The following EXOC4 variants were observed in gnomAD, a reference collection of about 807,000 sequenced individuals.
The protein encoded by EXOC4 is exocyst complex component 4.
Under a neutral mutation model 107.2 loss-of-function variants are expected in EXOC4, and 71 were observed. The ratio of observed to expected loss-of-function variants is 0.66; its 90% CI spans 0.55 to 0.81. EXOC4 has a LOEUF of 0.81. Among genes scored for constraint, EXOC4 ranks in the 30% least tolerant of loss-of-function variants. EXOC4 has a pLI of 0.00. For synonymous variants in EXOC4, 456 were observed against 441.2 expected, an observed-to-expected ratio of 1.03 and a Z score of -0.42; for missense variants, 1,108 against 1,189.6, an observed-to-expected ratio of 0.93 and a Z score of 1.01.
intron 14 of EXOC4, among the ~76,000 whole-genome samples, chr7:133,994,254 G>A (rs1270531245): frequency 6.6e-6 from 1 of 152,158 alleles, no homozygotes; most frequent in African/African-American, 2.4e-5. Context: ...TGAGGATGAT[G>A]GTTTCCAGCT....
intron 9 of EXOC4, among the ~76,000 whole-genome samples, chr7:133,620,046 A>T (rs1048094062): frequency 6.6e-6 from 1 of 151,700 alleles, no homozygotes. Context: ...GTTTTGAGAC[A>T]GAGTCTCCCT....
At chr7:133,291,225 G>A (rs1436023676) in intron 3 of EXOC4, among the ~76,000 whole-genome samples, 2 of 151,748 alleles carry the variant, frequency 1.3e-5, no homozygotes, top group Non-Finnish European at 2.9e-5. Flanking sequence ...CTGTTTGGTT[G>A]TTTATATATT....
At chr7:133,322,758 A>G (rs1472278779) in intron 5 of EXOC4, among the ~76,000 whole-genome samples, 1 of 152,214 alleles carries the variant, frequency 6.6e-6, no homozygotes, top group Non-Finnish European at 1.5e-5. Context: ...CTGTGAAGAA[A>G]GTCAATGGTA....
At chr7:133,503,578 A>C (rs1371945206) in intron 9 of EXOC4, among the ~76,000 whole-genome samples, 1 of 152,226 alleles carries the variant, frequency 6.6e-6, no homozygotes, top group Non-Finnish European at 1.5e-5. Flanking sequence ...ACTGCCAGTC[A>C]GAGGCTGAAG....
Position 133,285,667 on chromosome 7 carries a change from A to C in EXOC4, c.277-3255A>C, listed in dbSNP as rs532530379. On this transcript the variant is annotated intron_variant, in intron 2 of 17. Coordinates refer to ENST00000253861, the MANE Select transcript of EXOC4 (RefSeq NM_021807.4). ...GTGTGTCTTGGCTTGGGTCTTTTTG[A>C]CTTCCATTTTCTTGAGCACTTGGTG... 5.3e-5 allele frequency among the ~76,000 whole-genome samples: 8 copies of C among 150,400 alleles called. No individual in the cohort carries two copies. The East Asian group carries it at 1.6e-3, about 29-fold the overall frequency.
intron 9 of EXOC4, among the ~76,000 whole-genome samples, chr7:133,572,669 A>G (rs1801049158): frequency 6.6e-6 from 1 of 152,208 alleles, no homozygotes; most frequent in Non-Finnish European, 1.5e-5. Flanking sequence ...CTTTCATGAA[A>G]TGATAAACTT....
Position 133,605,272 on chromosome 7 carries a change from A to AT in EXOC4, c.1418-24766dup, listed in dbSNP as rs553299887. On this transcript the variant is annotated intron_variant, in intron 9 of 17. Coordinates refer to ENST00000253861, the MANE Select transcript of EXOC4 (RefSeq NM_021807.4). Reference sequence around the variant, plus strand: ...AAAACAAAGTTCCTGCAATCTTTTAATTTTTTTGAATATTTCATTGAGATA... The same window carrying AT: ...AAAACAAAGTTCCTGCAATCTTTTAATTTTTTTTGAATATTTCATTGAGATA... 1.6e-4 allele frequency among the ~76,000 whole-genome samples: 24 copies of AT among 152,266 alleles called. No homozygotes were observed. The South Asian group carries it at 5.0e-3, about 32-fold the overall frequency.
chr7:133,347,368 C>T lies in EXOC4; in HGVS notation c.764-8962C>T, dbSNP rs142023262. On this transcript the variant is annotated intron_variant, in intron 5 of 17. Coordinates refer to ENST00000253861, the MANE Select transcript of EXOC4 (RefSeq NM_021807.4). The stretch of plus-strand genomic sequence containing the variant: ...AAGCAATTCTCCTGCCTCAACCTCC[C>T]GAGTAGCTGGGACTACAGGCGTGTG... 6.7e-3 allele frequency among the ~76,000 whole-genome samples: 1,017 copies of T among 151,972 alleles called. 8 individuals carry two copies. The highest frequency in any genetic ancestry group is 0.022 in the African/African-American group (923 of 41,462).
intron 9 of EXOC4, among the ~76,000 whole-genome samples, chr7:133,498,292 A>G (rs1799516479): frequency 6.6e-6 from 1 of 152,140 alleles, no homozygotes; most frequent in East Asian, 1.9e-4. Flanking sequence ...TTCTTTTTAA[A>G]ATGTCCCTTG....
chr7:133,777,702 G>C (rs1796375809), intron 10 of EXOC4, among the ~76,000 whole-genome samples: 1 of 152,166 alleles, frequency 6.6e-6, no homozygotes, highest in Non-Finnish European at 1.5e-5. Flanking sequence ...AATTAGCTTT[G>C]TGACCTTGAG....
At chr7:133,370,468 C>T (rs745618112) in intron 6 of EXOC4, among the ~76,000 whole-genome samples, 3 of 152,060 alleles carry the variant, frequency 2.0e-5, no homozygotes, top group Non-Finnish European at 4.4e-5. Context: ...TTTTGAGTTT[C>T]TGATTAGCCT....
intron 5 of EXOC4, among the ~76,000 whole-genome samples, chr7:133,344,287 T>C (rs1795734486): frequency 6.6e-6 from 1 of 152,220 alleles, no homozygotes; most frequent in South Asian, 2.1e-4. Context: ...TGTTGCCTTC[T>C]AGTTTTCTTG....
At chr7:133,519,541 A>C (rs1218076439) in intron 9 of EXOC4, among the ~76,000 whole-genome samples, 1 of 152,196 alleles carries the variant, frequency 6.6e-6, no homozygotes, top group African/African-American at 2.4e-5. Context: ...AAACATGTAA[A>C]TAAAATGCAT....
chr7:134,048,231 T>C (rs1161007273), intron 17 of EXOC4, among the ~76,000 whole-genome samples: 1 of 152,120 alleles, frequency 6.6e-6, no homozygotes, highest in African/African-American at 2.4e-5. Flanking sequence ...CGGGAGCAAT[T>C]TGGGGAGGTT....
intron 1 of EXOC4, among the ~76,000 whole-genome samples, chr7:133,258,045 C>CT (rs1284913246): frequency 2.0e-5 from 3 of 152,190 alleles, no homozygotes; most frequent in Non-Finnish European, 4.4e-5. Context: ...ACCATCTCTT[C>CT]TTTTCATTTG....
chr7:133,306,563 A>G (rs1271766042), intron 4 of EXOC4, among the ~76,000 whole-genome samples: 1 of 152,072 alleles, frequency 6.6e-6, no homozygotes, highest in Non-Finnish European at 1.5e-5. Context: ...AGCTGGGTAT[A>G]GTGGTGTGCA....
intron 9 of EXOC4, among the ~76,000 whole-genome samples, chr7:133,616,380 C>T (rs933142230): frequency 6.6e-6 from 1 of 152,024 alleles, no homozygotes; most frequent in Non-Finnish European, 1.5e-5. Context: ...CACAAAGATG[C>T]TGATTATAGA....
Position 133,611,837 on chromosome 7 carries a change from C to T in EXOC4, c.1418-18208C>T, listed in dbSNP as rs142433539. ...ATACTACAGAGATATTAGGGTCTCT[C>T]CTGCCATTCTCTTCTAATCTTTCAT... On this transcript the variant is annotated intron_variant, in intron 9 of 17. Transcript: ENST00000253861. 1.8e-3 allele frequency among the ~76,000 whole-genome samples: 274 copies of T among 152,292 alleles called. 1 individual carries two copies. Among genetic ancestry groups the T allele is most frequent in the African/African-American group, 6.3e-3 (262 of 41,566 alleles).
At chr7:133,347,306 C>T (rs576653622) in intron 5 of EXOC4, among the ~76,000 whole-genome samples, 7 of 147,430 alleles carry the variant, frequency 4.7e-5, no homozygotes, top group South Asian at 4.3e-4. Flanking sequence ...TGCAGTGGTG[C>T]GATCTTGGCT....
Sources: gnomAD v4.1 joint callset for allele counts (sites outside exome capture counted in the v4.1 genomes callset) on GRCh38, gnomAD v4.1.1 for gene constraint, MANE v1.5 for transcripts, NCBI Gene and HGNC (gene_info 2026-07-23, HGNC 2026-07-21) for gene names.